The following DPYD variants were observed in gnomAD, a reference collection of about 807,000 sequenced individuals.
DPYD encodes dihydropyrimidine dehydrogenase [NADP(+)].
Under a neutral mutation model 116.2 loss-of-function variants are expected in DPYD, and 109 were observed. The observed-to-expected ratio is 0.94, with a 90% confidence interval of 0.80 to 1.10. DPYD has a LOEUF of 1.10. DPYD is among the 50% of genes least tolerant of loss of function. The pLI, the probability that DPYD is intolerant of heterozygous loss-of-function variation, is 0.00. For synonymous variants in DPYD, 440 were observed against 432.0 expected (o/e 1.02, Z -0.23); for missense variants, 1,302 against 1,254.5 (o/e 1.04, Z -0.57).
chr1:97,696,819 T>C (rs1186832041), intron 6 of DPYD, among the ~76,000 whole-genome samples: 16 of 152,168 alleles, frequency 1.1e-4, no homozygotes. Context: ...CTTAAATTTG[T>C]AATACATCAC....
At chr1:97,713,885 T>C (rs1662441803) in intron 5 of DPYD, among the ~76,000 whole-genome samples, 1 of 152,090 alleles carries the variant, frequency 6.6e-6, no homozygotes, top group Non-Finnish European at 1.5e-5. Flanking sequence ...GATAAAACTT[T>C]GGGATAATAG....
At chr1:97,089,061 C>T (rs974306827) in intron 21 of DPYD, among the ~76,000 whole-genome samples, 1 of 152,122 alleles carries the variant, frequency 6.6e-6, no homozygotes, top group African/African-American at 2.4e-5. Flanking sequence ...TAATAAAGCA[C>T]TCGATCAGGC....
chr1:97,735,382 A>G (rs1469694869), intron 4 of DPYD, among the ~76,000 whole-genome samples: 1 of 152,090 alleles, frequency 6.6e-6, no homozygotes, highest in Non-Finnish European at 1.5e-5. Flanking sequence ...TTAAGTTTTA[A>G]GAAATAAAAG....
intron 2 of DPYD, among the ~76,000 whole-genome samples, chr1:97,857,884 C>G (rs1670927204): frequency 6.6e-6 from 1 of 151,936 alleles, no homozygotes; most frequent in Admixed American, 6.6e-5. Context: ...CTAACACTAT[C>G]TCCAGGTAAA....
chr1:97,361,074 G>T (rs565579523), intron 16 of DPYD, among the ~76,000 whole-genome samples: 46 of 151,860 alleles, frequency 3.0e-4, no homozygotes, highest in African/African-American at 1.1e-3. Context: ...TAATAAAGAA[G>T]AAGAGAGAGA....
intron 4 of DPYD, among the ~76,000 whole-genome samples, chr1:97,730,368 T>C (rs1163911314): frequency 1.3e-5 from 2 of 152,068 alleles, no homozygotes; most frequent in African/African-American, 4.8e-5. Flanking sequence ...ACTATAGGCA[T>C]GCACCATCAC....
At chr1:97,608,737 CATT>C (rs1655755037) in intron 8 of DPYD, among the ~76,000 whole-genome samples, 2 of 151,458 alleles carry the variant, frequency 1.3e-5, no homozygotes, top group East Asian at 1.9e-4. Flanking sequence ...TTAAAATGTA[CATT>C]AATATGCATT....
intron 20 of DPYD, among the ~76,000 whole-genome samples, chr1:97,166,203 G>C (rs1273229295): frequency 1.3e-5 from 2 of 152,184 alleles, no homozygotes; most frequent in African/African-American, 4.8e-5. Context: ...ATCAATGGCA[G>C]ATTAGATAAA....
intron 1 of DPYD, chr1:97,883,949 G>T (rs1426410167): frequency 1.5e-5 from 6 of 398,742 alleles, no homozygotes; most frequent in Non-Finnish European, 2.9e-5. Context: ...GTTCAGTATG[G>T]GAAAATCCTA....
At chr1:97,369,267 T>C (rs986750870) in intron 16 of DPYD, among the ~76,000 whole-genome samples, 1 of 152,162 alleles carries the variant, frequency 6.6e-6, no homozygotes, top group African/African-American at 2.4e-5. Context: ...ATTTGGATGC[T>C]AATACACCAG....
rs1657947813 is a variant in DPYD at position 97,185,717 on chromosome 1, T to C, written c.2622+7352A>G. Among the ~76,000 whole-genome samples the C allele has an allele frequency of 2.0e-5, 3 of 152,256 alleles. No individual in the cohort carries two copies. The South Asian group carries it at 6.2e-4, about 32-fold the overall frequency. On this transcript the variant is annotated intron_variant, in intron 20 of 22. Coordinates refer to ENST00000370192, the MANE Select transcript of DPYD (RefSeq NM_000110.4). Reference sequence around the variant, plus strand: ...GTGAAAGTTGCAACACATACAAAAATACATATTCTGTAGAATTCCATTTAT... The same window carrying C: ...GTGAAAGTTGCAACACATACAAAAACACATATTCTGTAGAATTCCATTTAT...
chr1:97,090,694 G>C (rs1649839430), intron 21 of DPYD, among the ~76,000 whole-genome samples: 1 of 152,078 alleles, frequency 6.6e-6, no homozygotes, highest in Non-Finnish European at 1.5e-5. Flanking sequence ...TTTCTCCCTT[G>C]CTAGACTATG....
At chr1:97,343,394 C>T (rs1229507785) in intron 16 of DPYD, among the ~76,000 whole-genome samples, 1 of 151,976 alleles carries the variant, frequency 6.6e-6, no homozygotes, top group Non-Finnish European at 1.5e-5. Flanking sequence ...CCCTAGGTTG[C>T]ATGTGTATTA....
rs549693397 is a variant in DPYD at position 97,714,456 on chromosome 1, G to A, written c.483+7054C>T. Among the ~76,000 whole-genome samples the A allele has an allele frequency of 2.0e-5, 3 of 151,862 alleles. No individual in the cohort carries two copies. In the South Asian group the frequency reaches 6.2e-4, roughly 32 times the overall value. On this transcript the variant is annotated intron_variant, in intron 5 of 22. Coordinates refer to ENST00000370192, the MANE Select transcript of DPYD (RefSeq NM_000110.4). ...CTTGATTTGACCTTGTGATCCGCCT[G>A]CCTCGGCCTCCCAAAATGCTAGGAT...
chr1:97,546,699 A>G (rs1249756951), intron 12 of DPYD: 4 of 1,613,054 alleles, frequency 2.5e-6, no homozygotes, highest in Middle Eastern at 1.8e-4. Context: ...TGTGTACACT[A>G]AAAGATACAG....
At position 97,721,509 on chromosome 1, in the gene DPYD, C is replaced by A. The variant is rs1057516763; in HGVS notation, c.483+1G>T. The A allele has an allele frequency of 1.2e-6, 2 of 1,610,892 alleles. No individual in the cohort carries two copies. The highest frequency in any genetic ancestry group is 4.5e-5 in the East Asian group (2 of 44,790). The stretch of plus-strand genomic sequence containing the variant: ...GGATGTCACGTGTATATCATACATA[C>A]CTCAGTAGCAAATTGCTGCAATCCA... On this transcript the variant is annotated splice_donor_variant, in intron 5 of 22. Coordinates refer to ENST00000370192, the MANE Select transcript of DPYD (RefSeq NM_000110.4). LOFTEE classifies it high-confidence loss of function.
chr1:97,399,664 A>G (rs1310824578), intron 14 of DPYD, among the ~76,000 whole-genome samples: 1 of 152,104 alleles, frequency 6.6e-6, no homozygotes, highest in Non-Finnish European at 1.5e-5. Context: ...GGTCCTTCAC[A>G]TCCCTTGTAA....
chr1:97,241,669 C>T (rs376180195), intron 18 of DPYD, among the ~76,000 whole-genome samples: 12 of 151,984 alleles, frequency 7.9e-5, no homozygotes, highest in African/African-American at 2.6e-4. Context: ...AGGTGTAAGT[C>T]TCAAACCATT....
At chr1:97,403,176 T>A (rs1171478788) in intron 14 of DPYD, among the ~76,000 whole-genome samples, 1 of 152,070 alleles carries the variant, frequency 6.6e-6, no homozygotes, top group East Asian at 1.9e-4. Context: ...TAAGTCCTGA[T>A]AAGGCTGTAA....
Sources: allele counts gnomAD v4.1 joint callset (sites outside exome capture counted in the v4.1 genomes callset), GRCh38; gene constraint gnomAD v4.1.1; transcripts MANE v1.5; gene names NCBI Gene and HGNC (gene_info 2026-07-23, HGNC 2026-07-21).